UBR4: variants seen among roughly 807,000 people sequenced by gnomAD.
UBR4 encodes ubiquitin protein ligase E3 component n-recognin 4.
UBR4 carries 124 observed loss-of-function variants against 575.6 expected under a neutral mutation model. That is an observed-to-expected ratio of 0.22 (90% CI 0.19 to 0.25). The LOEUF is 0.25. Among genes scored for constraint, UBR4 ranks in the 10% least tolerant of loss-of-function variants. The pLI is 1.00. For synonymous variants in UBR4, 2,455 were observed against 2,473.7 expected (o/e 0.99, Z 0.22); for missense variants, 4,818 against 6,478.8 (o/e 0.74, Z 8.80).
chr1:19,153,154 ACT>A lies in UBR4; in HGVS notation c.6832+145_6832+146del. 1.0e-6 allele frequency: 1 copy of A among 1,002,704 alleles called. No individual in the cohort carries two copies. Among genetic ancestry groups the A allele is most frequent in the Non-Finnish European group, 1.5e-6 (1 of 689,474 alleles). 62.1% of individuals were successfully genotyped at this position (1,002,704 alleles called of 1,614,324 possible). On this transcript the variant is annotated intron_variant, in intron 46 of 105. Coordinates refer to ENST00000375254, the MANE Select transcript of UBR4 (RefSeq NM_020765.3). This position sits in a 1 kb window ranked among gnomAD's most constrained non-coding sequence, Gnocchi z 4.1. ...TGGGTGCTTGACATTTGGAAACATA[ACT>A]CTGCTTTTGGGAAATTAACTTTACA...
At chr1:19,114,547 G>A (rs887335296) in intron 75 of UBR4, among the ~76,000 whole-genome samples, 3 of 152,224 alleles carry the variant, frequency 2.0e-5, no homozygotes, top group Non-Finnish European at 4.4e-5. Flanking sequence ...GCAGGGCAAA[G>A]CATCCAAATC....
At chr1:19,173,348 G>A (rs796953421) in intron 23 of UBR4, 42 bp from the exon 24 acceptor site, 3 of 1,612,300 alleles carry the variant, frequency 1.9e-6, no homozygotes, top group African/African-American at 2.7e-5. Flanking sequence ...GATGACTATA[G>A]GCAAAGCTTT....
At chr1:19,159,005 G>T (rs1186006586) in intron 39 of UBR4, among the ~76,000 whole-genome samples, 1 of 152,042 alleles carries the variant, frequency 6.6e-6, no homozygotes, top group African/African-American at 2.4e-5. Flanking sequence ...AGCCAGGCAT[G>T]ATGGTGCATG....
Position 19,187,512 on chromosome 1 carries a change from T to C in UBR4, c.1423A>G (p.Ile475Val). 1 of 1,613,794 alleles carries C rather than the reference T, an allele frequency of 6.2e-7. No homozygotes were observed. ...AGTTTGATGGCATGGTTTGCCAATA[T>C]TACTGAGAGTACCCCAAATCCCTGA... The part of the protein sequence containing the change: ...GHQGFGVLSV[I>V]LANHAIKLLT... Residue 475 changes from isoleucine to valine, a missense_variant, in exon 12 of 106, where the codon ATA (isoleucine) becomes GTA (valine). Physicochemically the swap from Ile to Val is conservative, Grantham distance 29. Transcript: ENST00000375254.
At chr1:19,173,786 G>C (rs1440997909) in intron 22 of UBR4, among the ~76,000 whole-genome samples, 165 bp from the exon 23 acceptor site, 2 of 152,200 alleles carry the variant, frequency 1.3e-5, no homozygotes, top group Non-Finnish European at 2.9e-5. Flanking sequence ...TTTCTAGAGA[G>C]TGCACCTAGC....
Position 19,076,740 on chromosome 1 carries a change from C to A in UBR4, c.15487G>T (p.Gly5163Cys). The change falls in exon 105 of 106, where the codon GGT becomes TGT. Residue 5163 changes from glycine (G) to cysteine (C), a missense_variant and splice_region_variant. By Grantham distance (159) the Gly-to-Cys change is radical. This residue lies in a region of UBR4 where 212 missense variants were observed against 221.3 expected (regional missense o/e 0.96). Coordinates refer to ENST00000375254, the MANE Select transcript of UBR4 (RefSeq NM_020765.3). Reference sequence around the variant, plus strand: ...TAAAAGAGAAAACCTTGACACTAACCGGCCACATCGAGGAACTCTGAGAAG... The same window carrying A: ...TAAAAGAGAAAACCTTGACACTAACAGGCCACATCGAGGAACTCTGAGAAG... ...ETFSEFLDVAGLLSEITDPES... is the reference protein window; with the variant it reads ...ETFSEFLDVACLLSEITDPES... The A allele has an allele frequency of 6.2e-7, 1 of 1,614,084 alleles. No individual in the cohort carries two copies. The highest frequency in any genetic ancestry group is 8.5e-7 in the Non-Finnish European group (1 of 1,180,010).
At chr1:19,170,658 C>T (rs2089380653) in intron 26 of UBR4, 104 bp downstream of exon 26, 7 of 1,495,898 alleles carry the variant, frequency 4.7e-6, no homozygotes, top group Non-Finnish European at 6.4e-6. Context: ...CAAAAAGGCT[C>T]CAATAAATAG....
intron 39 of UBR4, among the ~76,000 whole-genome samples, chr1:19,158,790 C>T (rs372991652): frequency 6.6e-6 from 1 of 151,860 alleles, no homozygotes. Flanking sequence ...TAATAAAATG[C>T]CAGAATATAT....
intron 65 of UBR4, 149 bp from the exon 66 acceptor site, chr1:19,123,209 T>C: frequency 1.2e-6 from 1 of 832,098 alleles, no homozygotes; most frequent in Non-Finnish European, 1.9e-6. Context: ...CCCAGCACTT[T>C]GGAATGCCGA....
chr1:19,084,529 G>C lies in UBR4; in HGVS notation c.14983C>G (p.His4995Asp). Residue 4995 changes from histidine to aspartate, a missense_variant, in exon 102 of 106, where the codon CAC becomes GAC. Physicochemically the swap from His to Asp is moderately conservative, Grantham distance 81. Transcript: ENST00000375254. The part of the protein sequence containing the change: ...SNIHLIPYII[H>D]TVLYVLNTTR... ...GTGTTCAGGACGTAAAGCACAGTGT[G>C]AATGATGTACGGGATCAGGTGGATG... 1 of 1,613,722 alleles carries C rather than the reference G, an allele frequency of 6.2e-7. No individual in the cohort carries two copies. Among genetic ancestry groups the C allele is most frequent in the Non-Finnish European group, 8.5e-7 (1 of 1,179,756 alleles).
intron 99 of UBR4, 88 bp from the exon 100 acceptor site, chr1:19,086,909 T>C (rs1170392728): frequency 1.3e-6 from 2 of 1,545,864 alleles, no homozygotes; most frequent in Non-Finnish European, 1.8e-6. Flanking sequence ...GCCGCCCTTC[T>C]TGGGCAATGC....
At chr1:19,121,104 A>G (rs569464785) in intron 68 of UBR4, 85 bp downstream of exon 68, 10 of 1,526,624 alleles carry the variant, frequency 6.6e-6, no homozygotes. Flanking sequence ...GGATTAAAAG[A>G]CCTTTTACAA....
intron 102 of UBR4, among the ~76,000 whole-genome samples, chr1:19,082,657 A>T (rs1039844815): frequency 6.6e-6 from 1 of 152,220 alleles, no homozygotes; most frequent in African/African-American, 2.4e-5. Flanking sequence ...AAAAGTTACC[A>T]GGTCTATAGG....
chr1:19,206,500 A>G (rs2093021840), intron 1 of UBR4, among the ~76,000 whole-genome samples: 1 of 152,140 alleles, frequency 6.6e-6, no homozygotes, highest in South Asian at 2.1e-4. Context: ...ACGCCCAGCT[A>G]ATTTTTTGTA....
At chr1:19,155,754 T>G (rs2086353561) in intron 42 of UBR4, 86 bp from the exon 43 acceptor site, 8 of 1,173,158 alleles carry the variant, frequency 6.8e-6, no homozygotes, top group Non-Finnish European at 7.5e-6. Context: ...TAGCCGGAAC[T>G]GACCAATAAC....
chr1:19,182,359 C>T (rs2091060024), intron 17 of UBR4, among the ~76,000 whole-genome samples: 1 of 147,818 alleles, frequency 6.8e-6, no homozygotes, highest in Non-Finnish European at 1.5e-5. Flanking sequence ...TTTTTTTTGG[C>T]AGATGGGGAT....
intron 89 of UBR4, chr1:19,099,952 AGGCT>A: frequency 2.1e-6 from 1 of 474,284 alleles, no homozygotes; most frequent in Non-Finnish European, 3.7e-6. Context: ...GCACCAGAAA[AGGCT>A]TTTCACTATG....
intron 17 of UBR4, among the ~76,000 whole-genome samples, chr1:19,180,776 T>C (rs1033882860): frequency 2.6e-5 from 4 of 152,118 alleles, no homozygotes; most frequent in African/African-American, 7.2e-5. Flanking sequence ...TGAGTTAACA[T>C]TCCATAGGAA....
At chr1:19,148,869 C>A (rs2085255688) in intron 49 of UBR4, among the ~76,000 whole-genome samples, 1 of 152,190 alleles carries the variant, frequency 6.6e-6, no homozygotes, top group African/African-American at 2.4e-5. Flanking sequence ...AACTCAAAGA[C>A]AGGGCTTTTC....
Sources: gnomAD v4.1 joint callset for allele counts (sites outside exome capture counted in the v4.1 genomes callset) on GRCh38, gnomAD v4.1.1 for gene constraint, gnomAD v4.1.1 regional missense constraint, Gnocchi (gnomAD v3.1) non-coding constraint, MANE v1.5 for transcripts, NCBI Gene and HGNC (gene_info 2026-07-23, HGNC 2026-07-21) for gene names.